The following PCNX2 variants were observed in gnomAD, a reference collection of about 807,000 sequenced individuals.
The protein encoded by PCNX2 is pecanex 2.
PCNX2 carries 168 observed loss-of-function variants against 223.8 expected under a neutral mutation model. That is an observed-to-expected ratio of 0.75 (90% CI 0.66 to 0.85). The LOEUF is 0.85. PCNX2 is among the 40% of genes least tolerant of loss of function. The pLI is 0.00. For missense variants in PCNX2, 2,507 were observed against 2,675.5 expected (o/e 0.94, Z 1.39); for synonymous variants, 1,006 against 1,052.6 (o/e 0.96, Z 0.86).
At chr1:233,252,978 A>G (rs1168570994) in intron 5 of PCNX2, among the ~76,000 whole-genome samples, 190 bp from the exon 6 acceptor site, 2 of 152,214 alleles carry the variant, frequency 1.3e-5, no homozygotes, top group African/African-American at 4.8e-5. Flanking sequence ...GAAAAACAGA[A>G]GTATGTATAA....
At chr1:233,304,451 C>A in the PCNX2 span, among the ~76,000 whole-genome samples, 2 of 152,180 alleles carry the variant, frequency 1.3e-5, no homozygotes. Flanking sequence ...GAATACTAAA[C>A]CTTTACTCCA....
At chr1:233,294,818 G>A (rs948482648) in intron 1 of PCNX2, among the ~76,000 whole-genome samples, 9 of 147,232 alleles carry the variant, frequency 6.1e-5, no homozygotes, top group African/African-American at 2.2e-4. Flanking sequence ...TCTATACATA[G>A]TGGTGTAGAA....
intron 8 of PCNX2, chr1:233,241,042 C>T (rs549504889): frequency 2.5e-4 from 126 of 499,642 alleles, no homozygotes; most frequent in Non-Finnish European, 2.4e-4. Flanking sequence ...GGGCACAAGG[C>T]GCATAGAGGG....
intron 23 of PCNX2, among the ~76,000 whole-genome samples, chr1:233,083,464 G>A (rs1004913703): frequency 4.6e-5 from 7 of 152,148 alleles, no homozygotes; most frequent in African/African-American, 1.7e-4. Flanking sequence ...TGCCGAGCAA[G>A]GCACAAGATC....
At chr1:233,018,125 C>T (rs1670749042) in intron 26 of PCNX2, among the ~76,000 whole-genome samples, 2 of 151,864 alleles carry the variant, frequency 1.3e-5, no homozygotes, top group Admixed American at 6.6e-5. Context: ...TGGGCTCAAG[C>T]GATCCTCCTG....
rs1475042356 is a variant in PCNX2 at position 233,017,101 on chromosome 1, A to T, written c.4659T>A (p.Asn1553Lys). The T allele has an allele frequency of 6.2e-7, 1 of 1,605,806 alleles. No homozygotes were observed. The highest frequency in any genetic ancestry group is 2.2e-5 in the East Asian group (1 of 44,492). The change falls in exon 27 of 34, where the codon AAT (asparagine) becomes AAA (lysine). Residue 1553 changes from asparagine to lysine, a missense_variant. This residue lies in a region of PCNX2 where 1,372 missense variants were observed against 1,509.4 expected (regional missense o/e 0.91). Coordinates refer to ENST00000258229, the MANE Select transcript of PCNX2 (RefSeq NM_014801.4). ...TSPKLLSWIK[N>K]ESLLKSLQPF... is the part of the protein sequence containing the mutation. ...GCTGCAGGGACTTCAGAAGTGATTC[A>T]TTTTTGATCCAGGAGAGGAGTTTGG...
At chr1:233,132,059 C>T (rs554442915) in intron 21 of PCNX2, among the ~76,000 whole-genome samples, 67 of 152,076 alleles carry the variant, frequency 4.4e-4, no homozygotes, top group African/African-American at 1.6e-3. Flanking sequence ...GCATCAGCCT[C>T]CTGACTAGCT....
chr1:233,149,190 A>G lies in PCNX2; in HGVS notation c.3518-9335T>C, dbSNP rs1677648597. On this transcript the variant is annotated intron_variant, in intron 19 of 33. Transcript: ENST00000258229. ...CTGGAATATTAGGTCCTTGAGAAAA[A>G]GAATGCAAACTAATTATACCATTTA... Among the ~76,000 whole-genome samples the G allele has an allele frequency of 2.6e-5, 4 of 152,258 alleles. No individual in the cohort carries two copies. In the East Asian group the frequency reaches 7.7e-4, roughly 29 times the overall value.
In PCNX2 at chr1:233,144,670, G is replaced by GATAC. The variant is rs577500981; in HGVS notation, c.3518-4819_3518-4816dup. Among the ~76,000 whole-genome samples the GATAC allele has an allele frequency of 1.2e-3, 189 of 152,204 alleles. 1 individual carries two copies. The highest frequency in any genetic ancestry group is 4.4e-3 in the African/African-American group (184 of 41,536). On this transcript the variant is annotated intron_variant, in intron 19 of 33. Transcript: ENST00000258229. Reference sequence around the variant, plus strand: ...TTTTTACATGTTTACTGGCCATTTGGATACACACTTTTGTGAAGTAGTTCT... The same window carrying GATAC: ...TTTTTACATGTTTACTGGCCATTTGGATACATACACACTTTTGTGAAGTAGTTCT...
intron 21 of PCNX2, among the ~76,000 whole-genome samples, chr1:233,114,971 T>A (rs1675322314): frequency 6.6e-6 from 1 of 151,876 alleles, no homozygotes; most frequent in Non-Finnish European, 1.5e-5. Context: ...TGGGGAAGAT[T>A]AAACAATGCA....
the PCNX2 span, among the ~76,000 whole-genome samples, chr1:233,316,758 C>A: frequency 6.6e-6 from 1 of 152,156 alleles, no homozygotes; most frequent in African/African-American, 2.4e-5. Flanking sequence ...CTCTGTCCTC[C>A]CTACTGAATA....
Position 233,198,981 on chromosome 1 carries a change from C to T in PCNX2, c.3024G>A (p.Leu1008=), listed in dbSNP as rs758717323. 9.3e-6 allele frequency: 15 copies of T among 1,605,628 alleles called. No individual in the cohort carries two copies. In the Admixed American group the frequency reaches 2.5e-4, roughly 27 times the overall value. ...SAVYSVARSV[L]AAALLHAVCF... ...AGACTGCGTGGAGCAGGGCGGCAGC[C>T]AAGACGCTCCGGGCCACACTGTAAA... The change falls in exon 15 of 34, where the codon TTG becomes TTA. Residue 1008 remains leucine (L), a synonymous_variant. Transcript: ENST00000258229.
intron 1 of PCNX2, chr1:233,293,823 T>C (rs142083903): frequency 9.3e-5 from 34 of 363,916 alleles, no homozygotes; most frequent in African/African-American, 6.4e-4. Context: ...CTCAAGCTCA[T>C]ATTAGGTCTA....
At chr1:233,011,220 A>G (rs1013730113) in intron 28 of PCNX2, among the ~76,000 whole-genome samples, 5 of 152,350 alleles carry the variant, frequency 3.3e-5, no homozygotes, top group Admixed American at 2.6e-4. Context: ...AGTAGAGCTT[A>G]TTTCAGAATT....
At chr1:233,281,150 C>A (rs1661176072) in intron 1 of PCNX2, among the ~76,000 whole-genome samples, 1 of 152,186 alleles carries the variant, frequency 6.6e-6, no homozygotes, top group African/African-American at 2.4e-5. Context: ...ACAAGCCAGA[C>A]AACTGTTTTC....
intron 23 of PCNX2, chr1:233,057,782 T>G (rs1672246530): frequency 1.4e-6 from 1 of 696,020 alleles, no homozygotes; most frequent in Non-Finnish European, 1.8e-6. Context: ...TGAACTTGAA[T>G]CCAGGAGGCC....
intron 9 of PCNX2, among the ~76,000 whole-genome samples, chr1:233,228,290 C>T (rs1183369536): frequency 6.6e-6 from 1 of 152,124 alleles, no homozygotes; most frequent in African/African-American, 2.4e-5. Context: ...CTATCTTAAG[C>T]CTTCTCTAGA....
rs1039568068 is a variant in PCNX2 at position 233,224,173 on chromosome 1, G to T, written c.2504+3053C>A. On this transcript the variant is annotated intron_variant, in intron 10 of 33. Transcript: ENST00000258229. The stretch of plus-strand genomic sequence containing the variant: ...TGAAATGTTGAAATAATGCACAGAA[G>T]GGCAACTTCTTATTTCAGATGCTGA... Among the ~76,000 whole-genome samples the T allele has an allele frequency of 3.9e-5, 6 of 152,170 alleles. No homozygotes were observed. In the East Asian group the frequency reaches 1.2e-3, roughly 29 times the overall value.
chr1:233,128,615 G>A (rs535755551), intron 21 of PCNX2, among the ~76,000 whole-genome samples: 3 of 152,270 alleles, frequency 2.0e-5, no homozygotes, highest in Non-Finnish European at 2.9e-5. Context: ...GATTACAGGC[G>A]TGAGCCACTG....
Sources: gnomAD v4.1 joint callset for allele counts (sites outside exome capture counted in the v4.1 genomes callset) on GRCh38, gnomAD v4.1.1 for gene constraint, gnomAD v4.1.1 regional missense constraint, MANE v1.5 for transcripts, NCBI Gene and HGNC (gene_info 2026-07-23, HGNC 2026-07-21) for gene names.